The following WDR72 variants were observed in gnomAD, a reference collection of about 807,000 sequenced individuals.
WDR72 encodes WD repeat domain 72, also known as WD repeat-containing protein 72.
A neutral mutation model predicts 124.2 loss-of-function variants in WDR72; 120 were observed. The observed-to-expected ratio is 0.97, with a 90% CI of 0.83 to 1.12. WDR72 has a LOEUF of 1.12. WDR72 is among the 50% of genes most tolerant of loss of function. WDR72 has a pLI of 0.00. For missense variants in WDR72, 1,387 were observed against 1,278.8 expected (o/e 1.08, Z -1.29); for synonymous variants, 452 against 441.7 (o/e 1.02, Z -0.29).
intron 14 of WDR72, among the ~76,000 whole-genome samples, chr15:53,629,682 C>T (rs1245160808): frequency 6.6e-6 from 1 of 152,098 alleles, no homozygotes; most frequent in Non-Finnish European, 1.5e-5. Flanking sequence ...CTTTTCTTCC[C>T]TAGTAAAATG....
chr15:53,662,388 C>A (rs2140445698), intron 14 of WDR72, among the ~76,000 whole-genome samples: 1 of 152,234 alleles, frequency 6.6e-6, no homozygotes, highest in African/African-American at 2.4e-5. Context: ...GCACTTGCTT[C>A]AAATACAACA....
intron 14 of WDR72, among the ~76,000 whole-genome samples, chr15:53,655,355 G>A (rs1000435585): frequency 6.6e-6 from 1 of 151,174 alleles, no homozygotes. Context: ...AACAATTTTG[G>A]ACTGACAATC....
rs367586778 is a variant in WDR72 at position 53,705,071 on chromosome 15, C to G, written c.1265G>C (p.Gly422Ala). The G allele has an allele frequency of 1.9e-6, 3 of 1,613,930 alleles. No individual in the cohort carries two copies. Among genetic ancestry groups the G allele is most frequent in the Non-Finnish European group, 2.5e-6 (3 of 1,180,022 alleles). Residue 422 changes from glycine to alanine, a missense_variant, in exon 11 of 20, where the codon GGC (glycine) becomes GCC (alanine). Gly to Ala is a moderately conservative substitution (Grantham distance 60). Coordinates refer to ENST00000360509, the MANE Select transcript of WDR72 (RefSeq NM_182758.4). ...AATGATAATTGTCCCATCTTCACAG[C>G]CACATATTAGTTTATCAAGACTTGG... Reference protein sequence around the residue: ...YIPSLDKLICGCEDGTIIITQ... With the variant: ...YIPSLDKLICACEDGTIIITQ...
At chr15:53,705,596 GGGATTACA>G (rs1387179718) in intron 10 of WDR72, among the ~76,000 whole-genome samples, 1 of 152,106 alleles carries the variant, frequency 6.6e-6, no homozygotes, top group African/African-American at 2.4e-5. Flanking sequence ...CTGAGTAGCT[GGGATTACA>G]GGTGCATGCT....
At chr15:53,669,079 T>C (rs1054551793) in intron 13 of WDR72, among the ~76,000 whole-genome samples, 6 of 151,660 alleles carry the variant, frequency 4.0e-5, no homozygotes, top group African/African-American at 1.5e-4. Context: ...GAAAGGGCTT[T>C]CTTTTCTTGG....
intron 17 of WDR72, among the ~76,000 whole-genome samples, chr15:53,602,739 A>C (rs1353548169): frequency 6.6e-6 from 1 of 152,060 alleles, no homozygotes; most frequent in Non-Finnish European, 1.5e-5. Flanking sequence ...ATCTGGAAGA[A>C]ATAGATAAAT....
chr15:53,715,448 C>A (rs2017676640), intron 4 of WDR72, 81 bp from the exon 5 acceptor site: 1 of 1,543,048 alleles, frequency 6.5e-7, no homozygotes, highest in Non-Finnish European at 8.9e-7. Flanking sequence ...TTTCTCTAGA[C>A]TTTAGTTTTA....
chr15:53,637,017 A>G (rs912494405), intron 14 of WDR72, among the ~76,000 whole-genome samples: 2 of 152,092 alleles, frequency 1.3e-5, no homozygotes, highest in Admixed American at 6.6e-5. Flanking sequence ...CTCATTTCCC[A>G]TTGCCACTCC....
chr15:53,724,153 T>A (rs1595875167), intron 2 of WDR72, among the ~76,000 whole-genome samples: 1 of 152,086 alleles, frequency 6.6e-6, no homozygotes. Flanking sequence ...TGGCTGGGGG[T>A]GAGGGAAGAA....
At chr15:53,722,980 T>C in intron 2 of WDR72, 72 bp from the exon 3 acceptor site, 1 of 1,364,348 alleles carries the variant, frequency 7.3e-7, no homozygotes, top group Non-Finnish European at 1.0e-6. Flanking sequence ...CAATATAGTA[T>C]TCATAACTCT....
intron 18 of WDR72, among the ~76,000 whole-genome samples, chr15:53,548,781 T>C (rs1208968374): frequency 6.6e-6 from 1 of 152,132 alleles, no homozygotes; most frequent in Non-Finnish European, 1.5e-5. Context: ...GGAAGAGCTA[T>C]TTGCTAGAAG....
rs186652833 is a variant in WDR72, at chr15:53,693,331, G to A, written c.1765+6419C>T. On this transcript the variant is annotated intron_variant, in intron 13 of 19. Coordinates refer to ENST00000360509, the MANE Select transcript of WDR72 (RefSeq NM_182758.4). Reference sequence around the variant, plus strand: ...TTGTATAATATTTTGGTGTGGCAAAGTAGGAATTTACCACACAATTCTAGT... The same window carrying A: ...TTGTATAATATTTTGGTGTGGCAAAATAGGAATTTACCACACAATTCTAGT... 2.1e-4 allele frequency among the ~76,000 whole-genome samples: 32 copies of A among 152,246 alleles called. 1 individual carries two copies. Among genetic ancestry groups the A allele is most frequent in the Admixed American group, 1.8e-3 (27 of 15,300 alleles).
intron 18 of WDR72, among the ~76,000 whole-genome samples, chr15:53,584,576 T>C (rs1443883181): frequency 1.3e-5 from 2 of 152,030 alleles, no homozygotes; most frequent in Non-Finnish European, 2.9e-5. Flanking sequence ...TTGGACAAAA[T>C]TTGGACACAG....
intron 1 of WDR72, among the ~76,000 whole-genome samples, chr15:53,743,256 G>T (rs2018556168): frequency 6.6e-6 from 1 of 151,828 alleles, no homozygotes; most frequent in South Asian, 2.1e-4. Flanking sequence ...TTAAAAAGCT[G>T]ATTTTTATAG....
At chr15:53,565,256 G>T (rs958601870) in intron 18 of WDR72, among the ~76,000 whole-genome samples, 5 of 151,852 alleles carry the variant, frequency 3.3e-5, no homozygotes, top group Non-Finnish European at 7.4e-5. Flanking sequence ...AAGAGATGCA[G>T]TTTAAGAAGT....
At chr15:53,717,893 G>C (rs1241861337) in intron 3 of WDR72, among the ~76,000 whole-genome samples, 10 of 151,914 alleles carry the variant, frequency 6.6e-5, no homozygotes, top group African/African-American at 2.2e-4. Flanking sequence ...CTATAAAATA[G>C]GAGGAAAAAA....
intron 14 of WDR72, among the ~76,000 whole-genome samples, chr15:53,642,260 C>T (rs1023386360): frequency 1.3e-5 from 2 of 151,830 alleles, no homozygotes; most frequent in African/African-American, 4.8e-5. Context: ...AATTGCTTCC[C>T]CATCAAAGAT....
At chr15:53,522,688 T>C (rs190708005) in intron 19 of WDR72, among the ~76,000 whole-genome samples, 2 of 152,184 alleles carry the variant, frequency 1.3e-5, no homozygotes, top group Non-Finnish European at 1.5e-5. Context: ...AAGCTTTTAT[T>C]GCATGAGAGA....
chr15:53,694,448 G>A (rs74018710), intron 13 of WDR72, among the ~76,000 whole-genome samples: 4,145 of 152,194 alleles, frequency 0.027, 101 homozygotes, highest in East Asian at 0.072. Context: ...GACCAGAGCC[G>A]TTAGAACTAT....
Sources: allele counts gnomAD v4.1 joint callset (sites outside exome capture counted in the v4.1 genomes callset), GRCh38; gene constraint gnomAD v4.1.1; transcripts MANE v1.5; gene names NCBI Gene and HGNC (gene_info 2026-07-23, HGNC 2026-07-21).